The following AZIN2 variants were observed in gnomAD, a reference collection of about 807,000 sequenced individuals.
The protein encoded by AZIN2 is antizyme inhibitor 2, also known as ODC antizyme inhibitor-2.
A neutral mutation model predicts 47.8 loss-of-function variants in AZIN2; 28 were observed. That is an observed-to-expected ratio of 0.59 (90% CI 0.43 to 0.80). The LOEUF is 0.80. AZIN2 is among the 30% of genes least tolerant of loss of function. AZIN2 has a pLI of 0.00. For synonymous variants in AZIN2, 221 were observed against 239.4 expected (o/e 0.92, Z 0.71); for missense variants, 535 against 582.5 (o/e 0.92, Z 0.84).
At chr1:33,106,839 C>A (rs1210369067) in intron 10 of AZIN2, among the ~76,000 whole-genome samples, 1 of 152,128 alleles carries the variant, frequency 6.6e-6, no homozygotes, top group Non-Finnish European at 1.5e-5. Context: ...AGGTCAGGAG[C>A]AAGACTAAGA....
intron 10 of AZIN2, among the ~76,000 whole-genome samples, chr1:33,100,525 G>C (rs997232644): frequency 2.0e-5 from 3 of 152,016 alleles, no homozygotes; most frequent in Admixed American, 1.3e-4. Flanking sequence ...CAGAGGAATT[G>C]TCTGTGCTTT....
At chr1:33,124,668 C>T (rs1570249259), downstream of AZIN2, among the ~76,000 whole-genome samples, 2 of 152,300 alleles carry the variant, frequency 1.3e-5, no homozygotes, top group African/African-American at 4.8e-5. The surrounding 1 kb of genome is among the most constrained non-coding windows in gnomAD (Gnocchi z 4.6). Context: ...TATCCCTCCC[C>T]CGTCCCCCAA....
rs759830288 is a variant in AZIN2, at chr1:33,096,793, C to T, written c.840C>T (p.Tyr280=). The T allele has an allele frequency of 2.0e-5, 33 of 1,614,096 alleles. No homozygotes were observed. Among genetic ancestry groups the T allele is most frequent in the Middle Eastern group, 1.6e-4 (1 of 6,084 alleles). ...VDIFAELGRY[Y]VTSAFTVAVS... is the part of the protein sequence containing the mutation. ...TCTTTGCTGAGCTGGGGCGCTACTACGTGACCTCGGCCTTCACTGTGGCAG... is the reference window on the plus strand; with the variant it reads ...TCTTTGCTGAGCTGGGGCGCTACTATGTGACCTCGGCCTTCACTGTGGCAG... The change falls in exon 9 of 12, where the codon TAC becomes TAT. Residue 280 remains tyrosine (Y), a synonymous_variant. Transcript: ENST00000294517.
chr1:33,082,644 T>G, intron 4 of AZIN2: 1 of 288,700 alleles, frequency 3.5e-6, no homozygotes, highest in Non-Finnish European at 6.6e-6. Flanking sequence ...GCTCTGTGAA[T>G]TCTGCCTCCT....
chr1:33,103,222 C>T (rs920075555), intron 10 of AZIN2, among the ~76,000 whole-genome samples: 2 of 152,180 alleles, frequency 1.3e-5, no homozygotes, highest in African/African-American at 4.8e-5. Flanking sequence ...TCTGTGGCTT[C>T]CCATTGCTCT....
chr1:33,154,306 C>T, the AZIN2 span, among the ~76,000 whole-genome samples: 16 of 152,090 alleles, frequency 1.1e-4, no homozygotes, highest in Non-Finnish European at 2.2e-4. Flanking sequence ...AGCCCTGGAG[C>T]AGGGAGCCTG....
chr1:33,087,126 T>C (rs1641996786), intron 5 of AZIN2, among the ~76,000 whole-genome samples: 1 of 150,916 alleles, frequency 6.6e-6, no homozygotes, highest in African/African-American at 2.5e-5. Context: ...TTTTGGTGGA[T>C]ATGTAGTATT....
At chr1:33,149,292 A>G in the AZIN2 span, among the ~76,000 whole-genome samples, 5 of 152,124 alleles carry the variant, frequency 3.3e-5, no homozygotes, top group Non-Finnish European at 5.9e-5. Context: ...AGTTGGGATT[A>G]TAGGCACGCG....
chr1:33,092,016 G>C (rs1039487849), intron 5 of AZIN2, 34 bp from the exon 6 acceptor site: 1 of 1,602,266 alleles, frequency 6.2e-7, no homozygotes, highest in Non-Finnish European at 8.5e-7. Flanking sequence ...GCAGGCCCTG[G>C]TGCCTCCTTA....
chr1:33,146,896 A>C, the AZIN2 span: 1 of 448,800 alleles, frequency 2.2e-6, no homozygotes, highest in Non-Finnish European at 4.0e-6. Context: ...GAAGATGGGG[A>C]TGAGGGTTGG....
chr1:33,114,621 G>C (rs1644447054), intron 10 of AZIN2, among the ~76,000 whole-genome samples: 1 of 145,804 alleles, frequency 6.9e-6, no homozygotes, highest in Admixed American at 6.9e-5. Context: ...CCAAAGTGCT[G>C]AGATTACAGG....
intron 7 of AZIN2, among the ~76,000 whole-genome samples, chr1:33,093,689 T>G (rs751612115): frequency 6.6e-6 from 1 of 151,876 alleles, no homozygotes; most frequent in Non-Finnish European, 1.5e-5. Context: ...ACAAAGGTTT[T>G]GCAGCTACAC....
chr1:33,088,196 C>T (rs541359476), intron 5 of AZIN2, among the ~76,000 whole-genome samples: 369 of 152,284 alleles, frequency 2.4e-3, no homozygotes, highest in Middle Eastern at 0.01. Flanking sequence ...TGACTTGATA[C>T]GAGGAGATGC....
the AZIN2 span, chr1:33,145,990 G>T: frequency 2.2e-6 from 1 of 463,774 alleles, no homozygotes. Flanking sequence ...CAGGCCTCAG[G>T]ACATCTATTG....
At chr1:33,144,657 G>A in the AZIN2 span, among the ~76,000 whole-genome samples, 145 of 152,260 alleles carry the variant, frequency 9.5e-4, 2 homozygotes, top group African/African-American at 2.7e-3. Flanking sequence ...TTCTTTAGTC[G>A]ACAGTCTTTT....
intron 5 of AZIN2, among the ~76,000 whole-genome samples, chr1:33,087,732 G>A (rs1457876076): frequency 1.3e-5 from 2 of 150,140 alleles, no homozygotes; most frequent in African/African-American, 2.5e-5. Context: ...CACCACACCC[G>A]ACTGGCAATG....
intron 10 of AZIN2, among the ~76,000 whole-genome samples, chr1:33,104,365 A>G (rs1395278445): frequency 6.6e-6 from 1 of 152,094 alleles, no homozygotes; most frequent in Admixed American, 6.5e-5. Flanking sequence ...ATTTAATATG[A>G]TGTTTGATAC....
the AZIN2 span, chr1:33,166,300 A>G: frequency 6.6e-6 from 1 of 152,160 alleles, no homozygotes. Context: ...AATAAATGTA[A>G]TGTGCTTGAA....
chr1:33,083,166 T>C (rs1373416500), intron 4 of AZIN2: 2 of 152,798 alleles, frequency 1.3e-5, no homozygotes, highest in African/African-American at 4.8e-5. Context: ...GGGTTCCTTT[T>C]CTTCCAGACC....
Sources: gnomAD v4.1 joint callset for allele counts (sites outside exome capture counted in the v4.1 genomes callset) on GRCh38, gnomAD v4.1.1 for gene constraint, Gnocchi (gnomAD v3.1) non-coding constraint, MANE v1.5 for transcripts, NCBI Gene and HGNC (gene_info 2026-07-23, HGNC 2026-07-21) for gene names.